Variants in CCDC73 observed in about 807,000 individuals in gnomAD.
CCDC73 encodes coiled-coil domain-containing protein 73.
CCDC73 carries 95 observed loss-of-function variants against 116.5 expected under a neutral mutation model. That is an observed-to-expected ratio of 0.82 (90% CI 0.69 to 0.97). The LOEUF is 0.97. CCDC73 is among the 50% of genes least tolerant of loss of function. CCDC73 has a pLI of 0.00. For missense variants in CCDC73, 1,066 were observed against 1,206.8 expected, an observed-to-expected ratio of 0.88 and a Z score of 1.73; for synonymous variants, 398 against 401.3, an observed-to-expected ratio of 0.99 and a Z score of 0.10.
At chr11:32,739,977 T>A (rs1443317876) in intron 2 of CCDC73, among the ~76,000 whole-genome samples, 4 of 152,054 alleles carry the variant, frequency 2.6e-5, no homozygotes, top group African/African-American at 9.7e-5. Flanking sequence ...ATATGCTATA[T>A]CACATTGATT....
chr11:32,636,651 T>C (rs116745069), intron 13 of CCDC73, among the ~76,000 whole-genome samples: 2,024 of 152,250 alleles, frequency 0.013, 51 homozygotes, highest in African/African-American at 0.046. Context: ...ATATTCCTTA[T>C]TATAAATACT....
At chr11:32,670,628 T>C (rs534389773) in intron 9 of CCDC73, among the ~76,000 whole-genome samples, 10 of 152,340 alleles carry the variant, frequency 6.6e-5, no homozygotes, top group African/African-American at 2.2e-4. Context: ...TGGGTAAAAC[T>C]TATATTTGGA....
chr11:32,667,508 G>A (rs760202674), intron 9 of CCDC73, among the ~76,000 whole-genome samples: 4 of 152,182 alleles, frequency 2.6e-5, no homozygotes, highest in Non-Finnish European at 5.9e-5. Flanking sequence ...TAGGACCATT[G>A]GAAAAGCGCA....
chr11:32,684,420 C>T (rs1856175341), intron 6 of CCDC73, among the ~76,000 whole-genome samples: 2 of 152,166 alleles, frequency 1.3e-5, no homozygotes. Flanking sequence ...TAATAAACGT[C>T]TATTTTATAA....
At chr11:32,744,434 G>A (rs1220362739) in intron 2 of CCDC73, among the ~76,000 whole-genome samples, 1 of 152,190 alleles carries the variant, frequency 6.6e-6, no homozygotes, top group African/African-American at 2.4e-5. Flanking sequence ...AAATGATTTA[G>A]GGAGGATTCC....
At chr11:32,784,414 G>A (rs1590646606) in intron 1 of CCDC73, among the ~76,000 whole-genome samples, 1 of 152,080 alleles carries the variant, frequency 6.6e-6, no homozygotes, top group East Asian at 1.9e-4. Context: ...CAATAGTTCA[G>A]CTGTGAACCA....
intron 3 of CCDC73, among the ~76,000 whole-genome samples, chr11:32,713,091 G>A (rs1565082707): frequency 6.6e-6 from 1 of 151,978 alleles, no homozygotes; most frequent in Non-Finnish European, 1.5e-5. Context: ...CAATAACTGT[G>A]CTTCAGACAG....
chr11:32,705,694 G>T (rs1849850120), intron 3 of CCDC73, among the ~76,000 whole-genome samples: 2 of 152,156 alleles, frequency 1.3e-5, no homozygotes, highest in African/African-American at 4.8e-5. Context: ...GAGCTTTCTG[G>T]CTTGTGAAGT....
chr11:32,721,950 A>G (rs918139034), intron 2 of CCDC73, among the ~76,000 whole-genome samples: 2 of 152,022 alleles, frequency 1.3e-5, no homozygotes, highest in African/African-American at 4.8e-5. Context: ...ACATATATAC[A>G]CTTATGCTAT....
At chr11:32,778,170 T>C (rs1310755639) in intron 1 of CCDC73, among the ~76,000 whole-genome samples, 2 of 152,186 alleles carry the variant, frequency 1.3e-5, no homozygotes, top group African/African-American at 4.8e-5. Flanking sequence ...GGACCAACAA[T>C]ATCAGCAACA....
At chr11:32,787,942 TA>T (rs1472337059) in intron 1 of CCDC73, among the ~76,000 whole-genome samples, 1 of 152,124 alleles carries the variant, frequency 6.6e-6, no homozygotes, top group African/African-American at 2.4e-5. Context: ...CCCCCAAAAG[TA>T]AAGAACTGAA....
chr11:32,741,132 A>C (rs983644876), intron 2 of CCDC73, among the ~76,000 whole-genome samples: 1 of 152,152 alleles, frequency 6.6e-6, no homozygotes, highest in Non-Finnish European at 1.5e-5. Context: ...TGAGGAGAAT[A>C]ATTTGTATTC....
At chr11:32,611,855 G>A (rs1195774865) in intron 16 of CCDC73, among the ~76,000 whole-genome samples, 1 of 152,106 alleles carries the variant, frequency 6.6e-6, no homozygotes, top group Admixed American at 6.5e-5. Context: ...CAGAATTTTA[G>A]ATATCACCCT....
intron 11 of CCDC73, 24 bp from the exon 12 acceptor site, chr11:32,653,251 A>G: frequency 6.8e-7 from 1 of 1,462,758 alleles, no homozygotes; most frequent in Non-Finnish European, 9.5e-7. Context: ...CAAATATATC[A>G]ATTTAAAAGT....
chr11:32,642,317 T>C (rs1855740893), intron 12 of CCDC73, among the ~76,000 whole-genome samples: 1 of 151,992 alleles, frequency 6.6e-6, no homozygotes, highest in African/African-American at 2.4e-5. Context: ...TATAAAAACA[T>C]TGCCATTATT....
chr11:32,623,345 G>A (rs1361837110), intron 14 of CCDC73, among the ~76,000 whole-genome samples: 1 of 151,932 alleles, frequency 6.6e-6, no homozygotes, highest in East Asian at 1.9e-4. Context: ...AAGCCAGACT[G>A]CCCTATGTTT....
At chr11:32,732,750 C>G (rs1025606016) in intron 2 of CCDC73, among the ~76,000 whole-genome samples, 1 of 152,152 alleles carries the variant, frequency 6.6e-6, no homozygotes, top group Non-Finnish European at 1.5e-5. Context: ...GCCTGCCTTA[C>G]AAGAGCTCCT....
chr11:32,754,878 C>CTTTTTTTTTTTT (rs34982926), intron 2 of CCDC73, among the ~76,000 whole-genome samples: 1 of 86,566 alleles, frequency 1.2e-5, no homozygotes, highest in Non-Finnish European at 2.2e-5. Flanking sequence ...ATGGCTTCAA[C>CTTTTTTTTTTTT]TTTTTTTTTT....
At chr11:32,822,622 GT>G in the CCDC73 span, among the ~76,000 whole-genome samples, 2 of 151,870 alleles carry the variant, frequency 1.3e-5, no homozygotes, top group African/African-American at 2.4e-5. Flanking sequence ...ATATTTGGCT[GT>G]TTTTTTTATT....
Sources: gnomAD v4.1 joint callset for allele counts (sites outside exome capture counted in the v4.1 genomes callset) on GRCh38, gnomAD v4.1.1 for gene constraint, MANE v1.5 for transcripts, NCBI Gene and HGNC (gene_info 2026-07-23, HGNC 2026-07-21) for gene names.